Variants in CDK5RAP2 observed in about 807,000 individuals in gnomAD.
CDK5RAP2 encodes CDK5 regulatory subunit-associated protein 2.
Under a neutral mutation model 232.9 loss-of-function variants are expected in CDK5RAP2, and 147 were observed. The ratio of observed to expected loss-of-function variants is 0.63; its 90% CI spans 0.55 to 0.72. The LOEUF is 0.72. CDK5RAP2 is among the 30% of genes least tolerant of loss of function. The pLI is 0.00. For missense variants in CDK5RAP2, 2,195 were observed against 2,231.5 expected (o/e 0.98, Z 0.33); for synonymous variants, 833 against 833.7 (o/e 1.00, Z 0.01).
Position 120,402,996 on chromosome 9 carries a change from G to A in CDK5RAP2, c.5117C>T (p.Thr1706Ile). ...AGTGACCAGGCGGGACACACACGGA[G>A]TGCTAGTTGCCGAACTGCCACTGTC... The part of the protein sequence containing the change: ...SCDSGSSATS[T>I]PCVSRLVTGH... Residue 1706 changes from threonine (T) to isoleucine (I), a missense_variant, in exon 34 of 38, where the codon ACT (threonine) becomes ATT (isoleucine). Coordinates refer to ENST00000349780, the MANE Select transcript of CDK5RAP2 (RefSeq NM_018249.6). 6.2e-7 allele frequency: 1 copy of A among 1,614,216 alleles called. No homozygotes were observed. The highest frequency in any genetic ancestry group is 1.6e-4 in the Middle Eastern group (1 of 6,062).
chr9:120,553,423 CA>C (rs1441176086), intron 3 of CDK5RAP2, among the ~76,000 whole-genome samples: 1 of 152,192 alleles, frequency 6.6e-6, no homozygotes, highest in Non-Finnish European at 1.5e-5. Context: ...AAAATCCTAC[CA>C]ACATCCCCAG....
chr9:120,575,247 T>A (rs2042990478), intron 1 of CDK5RAP2, among the ~76,000 whole-genome samples: 1 of 152,110 alleles, frequency 6.6e-6, no homozygotes, highest in East Asian at 1.9e-4. Context: ...GAGATGGAGA[T>A]TCACCACGTT....
At chr9:120,571,682 C>T (rs902803229) in intron 2 of CDK5RAP2, 5 of 400,874 alleles carry the variant, frequency 1.2e-5, no homozygotes, top group African/African-American at 1.0e-4. Flanking sequence ...ATTCAATGTC[C>T]AGCCTCCGTG....
At chr9:120,548,388 A>G (rs1192708158) in intron 4 of CDK5RAP2, among the ~76,000 whole-genome samples, 1 of 152,238 alleles carries the variant, frequency 6.6e-6, no homozygotes, top group South Asian at 2.1e-4. Flanking sequence ...ATGAATGCTA[A>G]CATGTCCATT....
At chr9:120,478,909 A>T (rs530276144) in intron 14 of CDK5RAP2, among the ~76,000 whole-genome samples, 2 of 152,382 alleles carry the variant, frequency 1.3e-5, no homozygotes, top group Non-Finnish European at 2.9e-5. Context: ...TAATTTGATT[A>T]TGGTGATCAT....
At chr9:120,398,603 T>C (rs2032727116) in intron 35 of CDK5RAP2, among the ~76,000 whole-genome samples, 1 of 152,266 alleles carries the variant, frequency 6.6e-6, no homozygotes. Context: ...TGCATTTATA[T>C]ACTTGCTAAG....
At position 120,528,187 on chromosome 9, in the gene CDK5RAP2, A is replaced by G. The variant is rs536120833; in HGVS notation, c.880-262T>C. Among the ~76,000 whole-genome samples, 152 of 152,362 alleles carry G rather than the reference A, an allele frequency of 1.0e-3. 1 individual carries two copies. Among genetic ancestry groups the G allele is most frequent in the African/African-American group, 3.6e-3 (149 of 41,590 alleles). On this transcript the variant is annotated intron_variant, in intron 9 of 37. Coordinates refer to ENST00000349780, the MANE Select transcript of CDK5RAP2 (RefSeq NM_018249.6). ...AGCTATTCCTATGGGAAGGATTCCA[A>G]TGCCTTATGGAATTTGAATACAGTC...
At position 120,525,090 on chromosome 9, in the gene CDK5RAP2, TAATG is replaced by T; in HGVS notation, c.1000-16_1000-13del. 6.2e-7 allele frequency: 1 copy of T among 1,605,172 alleles called. No homozygotes were observed. The highest frequency in any genetic ancestry group is 8.5e-7 in the Non-Finnish European group (1 of 1,171,984). The stretch of plus-strand genomic sequence containing the variant: ...TTAAGTTCTTCAACCTGGGGAAAAA[TAATG>T]AATACCAGCCAAGTATGTAACTGGG... On this transcript the variant is annotated splice_polypyrimidine_tract_variant and intron_variant, in intron 10 of 37. Transcript: ENST00000349780.
At chr9:120,502,764 C>T (rs1230432358) in intron 12 of CDK5RAP2, among the ~76,000 whole-genome samples, 1 of 152,106 alleles carries the variant, frequency 6.6e-6, no homozygotes, top group African/African-American at 2.4e-5. Context: ...TGTACATTTG[C>T]GGTCGGGGGT....
chr9:120,441,626 A>C (rs565304326), intron 23 of CDK5RAP2, among the ~76,000 whole-genome samples: 2 of 152,296 alleles, frequency 1.3e-5, no homozygotes, highest in East Asian at 3.9e-4. Flanking sequence ...AGAAATTCAC[A>C]CACAAATCCT....
intron 23 of CDK5RAP2, 128 bp downstream of exon 23, chr9:120,443,492 G>A (rs2036013374): frequency 3.6e-6 from 4 of 1,115,194 alleles, no homozygotes; most frequent in Non-Finnish European, 5.4e-6. Flanking sequence ...CTTCCCATGT[G>A]TTAGACTGGA....
intron 25 of CDK5RAP2, among the ~76,000 whole-genome samples, chr9:120,431,429 C>T (rs953390876): frequency 1.5e-4 from 23 of 152,182 alleles, no homozygotes; most frequent in Non-Finnish European, 1.5e-5. Context: ...TGAACCTCTC[C>T]GTTCCTCACT....
intron 3 of CDK5RAP2, among the ~76,000 whole-genome samples, chr9:120,555,769 G>C (rs1245908318): frequency 6.6e-6 from 1 of 152,186 alleles, no homozygotes; most frequent in Non-Finnish European, 1.5e-5. Flanking sequence ...GTTTACTGCA[G>C]CTTTATTAAT....
At chr9:120,391,050 G>A (rs2031913627) in intron 36 of CDK5RAP2, among the ~76,000 whole-genome samples, 1 of 152,132 alleles carries the variant, frequency 6.6e-6, no homozygotes, top group South Asian at 2.1e-4. Flanking sequence ...TGTTTGGGGG[G>A]TCAGTCCTAA....
chr9:120,563,381 G>A (rs2042530570), intron 3 of CDK5RAP2, among the ~76,000 whole-genome samples: 1 of 152,190 alleles, frequency 6.6e-6, no homozygotes, highest in African/African-American at 2.4e-5. Flanking sequence ...CAAGATTAGG[G>A]ATTTTATTCC....
intron 27 of CDK5RAP2, among the ~76,000 whole-genome samples, chr9:120,417,191 G>A (rs1454752871): frequency 1.3e-5 from 2 of 150,498 alleles, no homozygotes; most frequent in Non-Finnish European, 3.0e-5. Context: ...TGGCGCCCAC[G>A]GCACTGCACC....
chr9:120,433,293 C>T (rs2035387088), intron 25 of CDK5RAP2, among the ~76,000 whole-genome samples: 2 of 152,154 alleles, frequency 1.3e-5, no homozygotes, highest in Non-Finnish European at 2.9e-5. Context: ...AGTCTAAGTT[C>T]CTCACCTGAA....
rs542493179 is a variant in CDK5RAP2 at position 120,569,212 on chromosome 9, G to A, written c.128-824C>T. 1.1e-4 allele frequency among the ~76,000 whole-genome samples: 16 copies of A among 152,260 alleles called. No homozygotes were observed. In the East Asian group the frequency reaches 2.7e-3, roughly 26 times the overall value. On this transcript the variant is annotated intron_variant, in intron 2 of 37. Coordinates refer to ENST00000349780, the MANE Select transcript of CDK5RAP2 (RefSeq NM_018249.6). ...CAGTAAATGTGTGCTGAGTGAATAA[G>A]TTCATTCTTTCAAAATATATGCACT...
chr9:120,416,536 A>G (rs1259619907), intron 27 of CDK5RAP2, among the ~76,000 whole-genome samples: 1 of 152,238 alleles, frequency 6.6e-6, no homozygotes, highest in Non-Finnish European at 1.5e-5. Flanking sequence ...TTTAGGTGGC[A>G]GATTTTAGAT....
Sources: gnomAD v4.1 joint callset for allele counts (sites outside exome capture counted in the v4.1 genomes callset) on GRCh38, gnomAD v4.1.1 for gene constraint, MANE v1.5 for transcripts, NCBI Gene and HGNC (gene_info 2026-07-23, HGNC 2026-07-21) for gene names.